Variants in PRKAR1A observed in about 807,000 individuals in gnomAD.
The protein encoded by PRKAR1A is cAMP-dependent protein kinase type I-alpha regulatory subunit.
Under a neutral mutation model 52.0 loss-of-function variants are expected in PRKAR1A, and 3 were observed. That is an observed-to-expected ratio of 0.06 (90% confidence interval 0.03 to 0.15). The LOEUF (loss-of-function observed/expected upper bound fraction) is 0.15. Ranked by LOEUF, PRKAR1A falls within the 10% of genes least tolerant of loss-of-function variation. The probability of loss-of-function intolerance (pLI) is 1.00; values close to 1 mark genes in which losing one functional copy is unlikely to be tolerated. For missense variants in PRKAR1A, 240 were observed against 477.4 expected (o/e 0.50, Z 4.63); for synonymous variants, 188 against 168.4 (o/e 1.12, Z -0.90).
the PRKAR1A span, chr17:68,436,612 G>A: frequency 1.4e-6 from 1 of 723,730 alleles, no homozygotes; most frequent in South Asian, 1.9e-5. Context: ...GCAGACAACT[G>A]CTTTCCGCTG....
the PRKAR1A span, among the ~76,000 whole-genome samples, chr17:68,489,239 ATATATATATATATATATATATG>A: frequency 5.2e-5 from 1 of 19,372 alleles, no homozygotes; most frequent in Non-Finnish European, 8.1e-5. Flanking sequence ...TGGAAAGTAT[ATATATATATATATATATATATG>A]GAAAGTATAT....
At chr17:68,541,843 G>T in intron 11 of PRKAR1A, 2 of 1,019,470 alleles carry the variant, frequency 2.0e-6, no homozygotes, top group South Asian at 1.6e-5. Flanking sequence ...CAGGCCTGCT[G>T]ATCCCAGGAT....
chr17:68,542,173 AT>A, intron 11 of PRKAR1A: 1 of 1,613,384 alleles, frequency 6.2e-7, no homozygotes, highest in Non-Finnish European at 8.5e-7. Flanking sequence ...TCGCTGGAGG[AT>A]GGGGAGGAGA....
chr17:68,451,612 T>A, the PRKAR1A span, among the ~76,000 whole-genome samples: 5 of 152,194 alleles, frequency 3.3e-5, no homozygotes, highest in African/African-American at 9.6e-5. Flanking sequence ...CCTGAGAGAT[T>A]TCAAAGGCGT....
chr17:68,476,463 A>G, the PRKAR1A span, among the ~76,000 whole-genome samples: 1 of 152,178 alleles, frequency 6.6e-6, no homozygotes, highest in East Asian at 1.9e-4. Context: ...CAAGTACTGA[A>G]AGGCATGTAG....
chr17:68,450,868 G>A, the PRKAR1A span: 11 of 1,613,680 alleles, frequency 6.8e-6, no homozygotes, highest in African/African-American at 1.3e-5. Context: ...GAGAAGAGGC[G>A]CTCCACGATG....
chr17:68,466,470 G>A, the PRKAR1A span, among the ~76,000 whole-genome samples: 1 of 144,274 alleles, frequency 6.9e-6, no homozygotes, highest in Non-Finnish European at 1.5e-5. Flanking sequence ...GGAGTGCAGT[G>A]GTGCGATCTC....
chr17:68,433,034 T>C, the PRKAR1A span, among the ~76,000 whole-genome samples: 1 of 152,240 alleles, frequency 6.6e-6, no homozygotes, highest in African/African-American at 2.4e-5. Flanking sequence ...AAGCGCTCAG[T>C]GGTGCTGCTG....
rs777704104 is a variant in PRKAR1A at position 68,540,899 on chromosome 17, CTGT to C, written c.974-10178_974-10176del. 55 of 1,605,572 alleles carry C rather than the reference CTGT, an allele frequency of 3.4e-5. No individual in the cohort carries two copies. Among genetic ancestry groups the C allele is most frequent in the South Asian group, 2.8e-4 (25 of 89,528 alleles). On this transcript the variant is annotated intron_variant, in intron 11 of 11. Transcript: ENST00000585981. ...GTCGATGACATTGAGGAGCCGCTGG[CTGT>C]TGTTGTACGGGTAGATCTGTTTCAC...
chr17:68,475,532 C>T, the PRKAR1A span, among the ~76,000 whole-genome samples: 6 of 152,202 alleles, frequency 3.9e-5, no homozygotes, highest in Non-Finnish European at 8.8e-5. Context: ...GGCACAATTT[C>T]ATCTCACTGC....
chr17:68,516,740 A>G lies in PRKAR1A; in HGVS notation c.177+1164A>G, dbSNP rs926250887. Among the ~76,000 whole-genome samples the G allele has an allele frequency of 6.7e-4, 101 of 150,998 alleles. 1 individual carries two copies. Among genetic ancestry groups the G allele is most frequent in the African/African-American group, 2.3e-3 (93 of 41,142 alleles). ...TGATCAGAATAATTAAAAAAAAAAC[A>G]AAAACAACTAGTCACTGTGAATGTT... On this transcript the variant is annotated intron_variant, in intron 2 of 10. Transcript: ENST00000589228.
At chr17:68,417,733 ATTTTTTTTTTT>A in the PRKAR1A span, among the ~76,000 whole-genome samples, 19 of 60,832 alleles carry the variant, frequency 3.1e-4, no homozygotes, top group East Asian at 5.7e-3. Flanking sequence ...GAGTTGCTGA[ATTTTTTTTTTT>A]TTTTTTTTTT....
chr17:68,499,800 C>T, the PRKAR1A span, among the ~76,000 whole-genome samples: 1 of 152,196 alleles, frequency 6.6e-6, no homozygotes, highest in Non-Finnish European at 1.5e-5. Flanking sequence ...TGTGGGCTGC[C>T]ACCCCAGCCA....
chr17:68,470,315 C>T, the PRKAR1A span, among the ~76,000 whole-genome samples: 3 of 152,130 alleles, frequency 2.0e-5, no homozygotes, highest in Non-Finnish European at 2.9e-5. Flanking sequence ...CTCCTGACTG[C>T]GTGATCCACC....
the PRKAR1A span, among the ~76,000 whole-genome samples, chr17:68,453,371 C>A: frequency 6.6e-6 from 1 of 152,150 alleles, no homozygotes; most frequent in East Asian, 1.9e-4. Context: ...AACGAGGGGG[C>A]CTTCTTGTTG....
the PRKAR1A span, among the ~76,000 whole-genome samples, chr17:68,442,345 G>A: frequency 6.6e-6 from 1 of 151,704 alleles, no homozygotes; most frequent in African/African-American, 2.4e-5. Context: ...GGCACCTGTA[G>A]TCCCAGCTAC....
the PRKAR1A span, among the ~76,000 whole-genome samples, chr17:68,441,830 G>T: frequency 6.6e-6 from 1 of 152,192 alleles, no homozygotes; most frequent in Non-Finnish European, 1.5e-5. Context: ...TTATAAACGT[G>T]AGCATTTAAA....
chr17:68,428,516 A>G, the PRKAR1A span: 1 of 237,930 alleles, frequency 4.2e-6, no homozygotes, highest in Non-Finnish European at 8.4e-6. Flanking sequence ...TACAGGTGTG[A>G]GCCGCCACAC....
At chr17:68,495,328 T>C in the PRKAR1A span, among the ~76,000 whole-genome samples, 1 of 152,240 alleles carries the variant, frequency 6.6e-6, no homozygotes, top group Non-Finnish European at 1.5e-5. Context: ...CCATCATACC[T>C]GGCCCCAGGC....
Sources: allele counts gnomAD v4.1 joint callset (sites outside exome capture counted in the v4.1 genomes callset), GRCh38; gene constraint gnomAD v4.1.1; transcripts MANE v1.5; gene names NCBI Gene and HGNC (gene_info 2026-07-23, HGNC 2026-07-21).